Variants in RYR2 observed in about 807,000 individuals in gnomAD.
RYR2 encodes cardiac muscle ryanodine receptor-calcium release channel.
RYR2 carries 227 observed loss-of-function variants against 601.1 expected under a neutral mutation model. The observed-to-expected ratio is 0.38, with a 90% CI of 0.34 to 0.42. The LOEUF (loss-of-function observed/expected upper bound fraction) is 0.42. Ranked by LOEUF, RYR2 falls within the 10% of genes least tolerant of loss-of-function variation. The probability of loss-of-function intolerance (pLI) is 1.00; values close to 1 mark genes in which losing one functional copy is unlikely to be tolerated. For synonymous variants in RYR2, 2,223 were observed against 2,175.1 expected (o/e 1.02, Z -0.61); for missense variants, 4,646 against 6,156.5 (o/e 0.75, Z 8.21).
At chr1:237,093,987 A>G (rs138414861) in intron 1 of RYR2, among the ~76,000 whole-genome samples, 24 of 152,308 alleles carry the variant, frequency 1.6e-4, no homozygotes, top group Non-Finnish European at 3.1e-4. Flanking sequence ...AACCCTAGGC[A>G]GTGGCGACAG....
At chr1:237,374,513 C>T (rs1009528312) in intron 6 of RYR2, among the ~76,000 whole-genome samples, 1 of 152,010 alleles carries the variant, frequency 6.6e-6, no homozygotes, top group Admixed American at 6.6e-5. Flanking sequence ...AAATAATTAG[C>T]CAGGCATGGT....
chr1:237,115,067 G>A (rs548194269), intron 1 of RYR2, among the ~76,000 whole-genome samples: 34 of 152,244 alleles, frequency 2.2e-4, no homozygotes, highest in Non-Finnish European at 4.6e-4. Flanking sequence ...AAGGAAGGAT[G>A]GCCAGGCAAT....
chr1:237,056,497 G>T (rs573869985), intron 1 of RYR2, among the ~76,000 whole-genome samples: 1 of 149,582 alleles, frequency 6.7e-6, no homozygotes, highest in South Asian at 2.1e-4. Flanking sequence ...CACCTGTGAG[G>T]ACTGGAGCAC....
chr1:237,757,873 A>G, intron 82 of RYR2, 97 bp downstream of exon 82: 2 of 755,726 alleles, frequency 2.6e-6, no homozygotes, highest in Non-Finnish European at 4.4e-6. Context: ...TTCTATGTAC[A>G]ATATGGCTCA....
At chr1:237,719,823 C>G (rs915662448) in intron 73 of RYR2, among the ~76,000 whole-genome samples, 2 of 151,078 alleles carry the variant, frequency 1.3e-5, no homozygotes, top group Non-Finnish European at 2.9e-5. Context: ...AAAGTTTTGC[C>G]CCATGATCAA....
rs1572885066 is a variant in RYR2, at chr1:237,562,966, T to C, written c.3215-3601T>C. Among the ~76,000 whole-genome samples the C allele has an allele frequency of 2.0e-5, 3 of 152,306 alleles. No individual in the cohort carries two copies. In the South Asian group the frequency reaches 6.2e-4, roughly 32 times the overall value. ...GCTTGATACTACAAGGTATGCAAAA[T>C]AAGTTTGTTACGGATTGCTTGGATC... On this transcript the variant is annotated intron_variant, in intron 27 of 104. Coordinates refer to ENST00000366574, the MANE Select transcript of RYR2 (RefSeq NM_001035.3).
At chr1:237,444,349 C>T (rs1490634152) in intron 13 of RYR2, among the ~76,000 whole-genome samples, 1 of 152,008 alleles carries the variant, frequency 6.6e-6, no homozygotes, top group Non-Finnish European at 1.5e-5. Flanking sequence ...CTTTATTAAT[C>T]AGGGCACTTA....
At chr1:237,253,982 G>A (rs921350252) in intron 1 of RYR2, among the ~76,000 whole-genome samples, 1 of 152,144 alleles carries the variant, frequency 6.6e-6, no homozygotes, top group Non-Finnish European at 1.5e-5. Context: ...TTTTTCAAAA[G>A]CACATCTATG....
intron 1 of RYR2, among the ~76,000 whole-genome samples, chr1:237,122,218 G>A (rs117407907): frequency 0.02 from 3,066 of 152,360 alleles, 113 homozygotes; most frequent in East Asian, 0.14. Context: ...ACCGGGATGC[G>A]CCACATCAGT....
intron 27 of RYR2, among the ~76,000 whole-genome samples, chr1:237,550,895 C>T (rs1670317984): frequency 6.6e-6 from 1 of 152,084 alleles, no homozygotes; most frequent in Admixed American, 6.5e-5. Flanking sequence ...GCTGATGATT[C>T]TTTGGGCGGA....
intron 20 of RYR2, 26 bp downstream of exon 20, chr1:237,496,778 C>T (rs778554238): frequency 3.3e-5 from 53 of 1,587,972 alleles, no homozygotes; most frequent in South Asian, 7.9e-5. Flanking sequence ...TTTCTTTCAC[C>T]GTGTTCCAGA....
chr1:237,087,895 A>T (rs1449433132), intron 1 of RYR2, among the ~76,000 whole-genome samples: 1 of 152,226 alleles, frequency 6.6e-6, no homozygotes, highest in Admixed American at 6.5e-5. Flanking sequence ...ATCTTAGATC[A>T]CTTTAGATAG....
At chr1:237,623,926 C>T in intron 39 of RYR2, 56 bp downstream of exon 39, 1 of 1,160,746 alleles carries the variant, frequency 8.6e-7, no homozygotes, top group Non-Finnish European at 1.3e-6. Flanking sequence ...ATCCATATAT[C>T]CTGAGACGAA....
chr1:237,805,830 A>G (rs949909370), intron 98 of RYR2, among the ~76,000 whole-genome samples: 1 of 152,006 alleles, frequency 6.6e-6, no homozygotes, highest in South Asian at 2.1e-4. Context: ...ATTTGAAACT[A>G]TATATTATTG....
intron 32 of RYR2, among the ~76,000 whole-genome samples, chr1:237,592,512 A>C (rs1675319573): frequency 6.6e-6 from 1 of 151,954 alleles, no homozygotes; most frequent in East Asian, 1.9e-4. Flanking sequence ...GGGCACCTGT[A>C]ATCCCAGCTA....
At chr1:237,254,385 T>C (rs1687751521) in intron 1 of RYR2, among the ~76,000 whole-genome samples, 1 of 152,234 alleles carries the variant, frequency 6.6e-6, no homozygotes, top group Non-Finnish European at 1.5e-5. Context: ...CTTCTAAAAT[T>C]ACTTCTCCAT....
intron 99 of RYR2, among the ~76,000 whole-genome samples, chr1:237,806,636 C>T (rs943314159): frequency 6.6e-6 from 1 of 152,208 alleles, no homozygotes; most frequent in Non-Finnish European, 1.5e-5. Context: ...GTATTTGCTC[C>T]ACTTGCTATT....
intron 17 of RYR2, among the ~76,000 whole-genome samples, chr1:237,491,440 T>A (rs886964421): frequency 6.6e-6 from 1 of 152,168 alleles, no homozygotes; most frequent in Non-Finnish European, 1.5e-5. Context: ...AAGACTTTAC[T>A]CATGCACATA....
At chr1:237,552,925 G>T (rs1209196492) in intron 27 of RYR2, among the ~76,000 whole-genome samples, 1 of 151,694 alleles carries the variant, frequency 6.6e-6, no homozygotes, top group Non-Finnish European at 1.5e-5. Context: ...TATAATTACC[G>T]AGGCATATTT....
Sources: allele counts gnomAD v4.1 joint callset (sites outside exome capture counted in the v4.1 genomes callset), GRCh38; gene constraint gnomAD v4.1.1; transcripts MANE v1.5; gene names NCBI Gene and HGNC (gene_info 2026-07-23, HGNC 2026-07-21).